Variants in USP34 observed in about 807,000 individuals in gnomAD.
USP34 encodes ubiquitin carboxyl-terminal hydrolase 34.
In USP34, 70 loss-of-function variants were observed where a neutral mutation model predicts 460.3. That is an observed-to-expected ratio of 0.15 (90% CI 0.13 to 0.19). USP34 has a LOEUF of 0.19. Ranked by LOEUF, USP34 falls within the 10% of genes least tolerant of loss-of-function variation. The pLI is 1.00. For synonymous variants in USP34, 1,647 were observed against 1,405.3 expected (o/e 1.17, Z -3.85); for missense variants, 3,985 against 4,236.2 (o/e 0.94, Z 1.65).
At chr2:61,271,678 G>GA (rs532577218) in intron 41 of USP34, among the ~76,000 whole-genome samples, 28 of 152,250 alleles carry the variant, frequency 1.8e-4, no homozygotes, top group African/African-American at 6.7e-4. Context: ...AAAGAAAGAA[G>GA]AAAGAGGAGA....
rs199835446 is a variant in USP34 at position 61,353,594 on chromosome 2, G to GT, written c.1252-2902dup. 3.3e-3 allele frequency among the ~76,000 whole-genome samples: 502 copies of GT among 150,624 alleles called. 11 individuals carry two copies. In the East Asian group the frequency reaches 0.042, roughly 12 times the overall value. ...GTTTTTGTTTTTTTTGTTTAGTTGGGTTTTTTTTGTATTTTTAGTGAAGAC... is the reference window on the plus strand; with the variant it reads ...GTTTTTGTTTTTTTTGTTTAGTTGGGTTTTTTTTTGTATTTTTAGTGAAGAC... On this transcript the variant is annotated intron_variant, in intron 10 of 79. Transcript: ENST00000398571.
At chr2:61,211,626 A>G in intron 69 of USP34, 146 bp downstream of exon 69, 3 of 885,646 alleles carry the variant, frequency 3.4e-6, no homozygotes, top group East Asian at 3.2e-5. Context: ...AAACTGTTTA[A>G]AAGTAGTTCA....
At chr2:61,210,198 T>C (rs1356874219) in intron 69 of USP34, among the ~76,000 whole-genome samples, 2 of 152,210 alleles carry the variant, frequency 1.3e-5, no homozygotes, top group Non-Finnish European at 2.9e-5. Flanking sequence ...GTCCCAGGCC[T>C]TCACATTCCC....
intron 3 of USP34, among the ~76,000 whole-genome samples, chr2:61,400,746 G>A (rs1057426867): frequency 6.6e-6 from 1 of 152,092 alleles, no homozygotes; most frequent in East Asian, 1.9e-4. Flanking sequence ...AGCTACTTAG[G>A]ACACTGAAGG....
chr2:61,388,592 T>A (rs1458385627), intron 5 of USP34, among the ~76,000 whole-genome samples: 1 of 151,418 alleles, frequency 6.6e-6, no homozygotes, highest in South Asian at 2.1e-4. Flanking sequence ...CTGCCTCTAC[T>A]AAAAATACAA....
intron 1 of USP34, among the ~76,000 whole-genome samples, chr2:61,432,065 G>A (rs188114402): frequency 6.6e-6 from 1 of 151,826 alleles, no homozygotes; most frequent in Non-Finnish European, 1.5e-5. Flanking sequence ...CCATGGCCAG[G>A]GGTAGCAGCT....
chr2:61,281,722 A>C (rs1689539395), intron 37 of USP34, among the ~76,000 whole-genome samples: 1 of 152,252 alleles, frequency 6.6e-6, no homozygotes, highest in Admixed American at 6.5e-5. Flanking sequence ...AGTGTTTTAG[A>C]AATCCTAAAG....
chr2:61,214,627 C>A lies in USP34; in HGVS notation c.8115G>T (p.Arg2705Ser). 1 of 1,614,150 alleles carries A rather than the reference C, an allele frequency of 6.2e-7. No individual in the cohort carries two copies. Among genetic ancestry groups the A allele is most frequent in the Non-Finnish European group, 8.5e-7 (1 of 1,180,020 alleles). ...NSFRQMFRST[R>S]SLHIPTRDLP... ...GGTCACGGGTTGGGATGTGCAAAGA[C>A]CTTGTTGACCGGAACATCTGACGGA... Residue 2705 changes from arginine to serine, a missense_variant, in exon 68 of 80, where the codon AGG becomes AGT. This residue lies in a region of USP34 where 604 missense variants were observed against 684.8 expected (regional missense o/e 0.88). Transcript: ENST00000398571.
intron 48 of USP34, among the ~76,000 whole-genome samples, chr2:61,253,495 A>G (rs775914605): frequency 5.0e-4 from 76 of 152,294 alleles, no homozygotes; most frequent in Non-Finnish European, 6.2e-4. Context: ...CTACGCTTTC[A>G]TTTGACTATG....
At chr2:61,315,821 T>G (rs1690726574) in intron 23 of USP34, among the ~76,000 whole-genome samples, 1 of 152,166 alleles carries the variant, frequency 6.6e-6, no homozygotes, top group Non-Finnish European at 1.5e-5. Flanking sequence ...ACAACTTTAG[T>G]GTTAATGTCA....
rs142392366 is a variant in USP34, at chr2:61,347,981, C to G, written c.2174G>C (p.Arg725Pro). The change falls in exon 15 of 80, where the codon CGA (arginine) becomes CCA (proline). Residue 725 changes from arginine (R) to proline (P), a missense_variant. By Grantham distance (103) the Arg-to-Pro change is moderately radical. This residue lies in a region of USP34 where 716 missense variants were observed against 626.2 expected (regional missense o/e 1.14). Transcript: ENST00000398571. ...AGTCTCCCCAAGGAAGTCCCCAGTT[C>G]GTGTGATACAAGACTCCTGAGACCC... Reference protein sequence around the residue: ...AQGSQESCITRTGDFLGETIG... With the variant: ...AQGSQESCITPTGDFLGETIG... 1.2e-6 allele frequency: 2 copies of G among 1,614,080 alleles called. No individual in the cohort carries two copies. The highest frequency in any genetic ancestry group is 2.7e-5 in the African/African-American group (2 of 75,008).
chr2:61,235,604 G>A (rs995733412), intron 57 of USP34, among the ~76,000 whole-genome samples: 3 of 151,920 alleles, frequency 2.0e-5, no homozygotes, highest in Non-Finnish European at 2.9e-5. Context: ...GGTTACAGGC[G>A]TGAGCCACCA....
chr2:61,348,570 G>T, intron 14 of USP34, 90 bp from the exon 15 acceptor site: 1 of 1,490,506 alleles, frequency 6.7e-7, no homozygotes, highest in Middle Eastern at 1.9e-4. Context: ...TTTTAAAAAG[G>T]CTGCCAGTCT....
chr2:61,220,230 C>T (rs973130134), intron 67 of USP34, 80 bp downstream of exon 67: 17 of 1,192,932 alleles, frequency 1.4e-5, no homozygotes, highest in Non-Finnish European at 1.8e-5. Context: ...ATGGGCATGT[C>T]GTAGTTGCCT....
chr2:61,232,097 A>G (rs1165277257), intron 58 of USP34, among the ~76,000 whole-genome samples: 2 of 152,100 alleles, frequency 1.3e-5, no homozygotes, highest in Non-Finnish European at 2.9e-5. Flanking sequence ...TTAGCTTTTG[A>G]GGTCACTATA....
At chr2:61,289,717 G>T (rs1049472300) in intron 33 of USP34, among the ~76,000 whole-genome samples, 2 of 151,944 alleles carry the variant, frequency 1.3e-5, no homozygotes, top group South Asian at 4.2e-4. Flanking sequence ...TCAACAAATT[G>T]GTGCTATAAA....
chr2:61,271,952 A>G (rs992456672), intron 41 of USP34, among the ~76,000 whole-genome samples: 2 of 152,226 alleles, frequency 1.3e-5, no homozygotes, highest in African/African-American at 4.8e-5. Context: ...CAAGAAAACC[A>G]ACTGCCTTTA....
At chr2:61,417,255 A>G (rs916583696) in intron 2 of USP34, 2 of 1,242,064 alleles carry the variant, frequency 1.6e-6, no homozygotes, top group Non-Finnish European at 1.2e-6. Context: ...CCTGTCTCCA[A>G]GGTCCCTTAG....
Position 61,232,897 on chromosome 2 carries a change from T to A in USP34, c.7033-365A>T, listed in dbSNP as rs1425226534. Among the ~76,000 whole-genome samples, 4 of 125,790 alleles carry A rather than the reference T, an allele frequency of 3.2e-5. No individual in the cohort carries two copies. The East Asian group carries it at 1.1e-3, about 35-fold the overall frequency. 82.5% of individuals were successfully genotyped at this position (125,790 alleles called of 152,430 possible). A position where few individuals can be genotyped will look rare whatever the true frequency, so the allele number is the denominator to read the frequency against. ...TTTTTTTTTTTTTTTTTGAGACAGA[T>A]CTTGCTCCGTTGCCCAGGCTGGAGT... On this transcript the variant is annotated intron_variant, in intron 57 of 79. Coordinates refer to ENST00000398571, the MANE Select transcript of USP34 (RefSeq NM_014709.4).
Sources: gnomAD v4.1 joint callset for allele counts (sites outside exome capture counted in the v4.1 genomes callset) on GRCh38, gnomAD v4.1.1 for gene constraint, gnomAD v4.1.1 regional missense constraint, MANE v1.5 for transcripts, NCBI Gene and HGNC (gene_info 2026-07-23, HGNC 2026-07-21) for gene names.